Variants in EIF2AK3 observed in about 807,000 individuals in gnomAD.
The protein encoded by EIF2AK3 is eukaryotic translation initiation factor 2 alpha kinase 3.
In EIF2AK3, 50 loss-of-function variants were observed where a neutral mutation model predicts 113.5. That is an observed-to-expected ratio of 0.44 (90% CI 0.35 to 0.56). EIF2AK3 has a LOEUF of 0.56. Among genes scored for constraint, EIF2AK3 ranks in the 20% least tolerant of loss-of-function variants. The probability of loss-of-function intolerance (pLI) is 0.00; values close to 1 mark genes in which losing one functional copy is unlikely to be tolerated. For synonymous variants in EIF2AK3, 448 were observed against 495.4 expected (o/e 0.90, Z 1.27); for missense variants, 1,185 against 1,378.0 (o/e 0.86, Z 2.22).
At chr2:88,616,587 C>A (rs1056207164) in intron 1 of EIF2AK3, among the ~76,000 whole-genome samples, 2 of 152,004 alleles carry the variant, frequency 1.3e-5, no homozygotes, top group South Asian at 4.2e-4. Context: ...CCATCACACC[C>A]GGCTAATTTT....
chr2:88,579,434 A>G, intron 11 of EIF2AK3, 84 bp downstream of exon 11: 1 of 1,550,644 alleles, frequency 6.4e-7, no homozygotes, highest in East Asian at 2.3e-5. Flanking sequence ...TGGTGTTTAC[A>G]GAGTACAGTA....
In EIF2AK3 at chr2:88,570,920, C is replaced by T. The variant is rs764214778; in HGVS notation, c.2939G>A (p.Arg980Lys). 1.2e-6 allele frequency: 2 copies of T among 1,614,126 alleles called. No individual in the cohort carries two copies. The highest frequency in any genetic ancestry group is 1.7e-6 in the Non-Finnish European group (2 of 1,180,018). Residue 980 changes from arginine (R) to lysine (K), a missense_variant, in exon 14 of 17, where the codon AGA (arginine) becomes AAA (lysine). This residue lies in a region of EIF2AK3 where 877 missense variants were observed against 1,024.2 expected (regional missense o/e 0.86). Coordinates refer to ENST00000303236, the MANE Select transcript of EIF2AK3 (RefSeq NM_004836.7). ...TTTGGTCCCTACTTGTCCTGTGTGTCTGGCATAAGCTGGCATTGGGGTCAG... is the reference window on the plus strand; with the variant it reads ...TTTGGTCCCTACTTGTCCTGTGTGTTTGGCATAAGCTGGCATTGGGGTCAG... Reference protein sequence around the residue: ...TVLTPMPAYARHTGQVGTKLY... With the variant: ...TVLTPMPAYAKHTGQVGTKLY...
chr2:88,559,611 A>G (rs991422683), intron 15 of EIF2AK3, among the ~76,000 whole-genome samples: 13 of 151,860 alleles, frequency 8.6e-5, no homozygotes, highest in Non-Finnish European at 1.8e-4. Context: ...GGGGAGAGAG[A>G]GAGAGAGAAA....
chr2:88,566,883 G>T (rs984181804), intron 14 of EIF2AK3, among the ~76,000 whole-genome samples: 1 of 152,142 alleles, frequency 6.6e-6, no homozygotes, highest in Admixed American at 6.5e-5. Context: ...AGGAGGCAGA[G>T]GCTACAGTGA....
chr2:88,574,198 A>G (rs911849758), intron 13 of EIF2AK3, among the ~76,000 whole-genome samples: 4 of 152,096 alleles, frequency 2.6e-5, no homozygotes, highest in African/African-American at 4.8e-5. Flanking sequence ...ATTTGCCCCA[A>G]TTCAAGCTGG....
intron 2 of EIF2AK3, among the ~76,000 whole-genome samples, chr2:88,606,630 T>G (rs1675286080): frequency 6.6e-6 from 1 of 152,288 alleles, no homozygotes; most frequent in African/African-American, 2.4e-5. Context: ...TCAGTAAAAG[T>G]AAGAGAAGCT....
chr2:88,568,567 C>T (rs979826842), intron 14 of EIF2AK3, among the ~76,000 whole-genome samples: 1 of 152,168 alleles, frequency 6.6e-6, no homozygotes, highest in Non-Finnish European at 1.5e-5. Flanking sequence ...AACATTTATG[C>T]TCCATACCAA....
At chr2:88,586,412 T>G (rs1280240111) in intron 8 of EIF2AK3, among the ~76,000 whole-genome samples, 1 of 152,092 alleles carries the variant, frequency 6.6e-6, no homozygotes, top group East Asian at 1.9e-4. Flanking sequence ...TCTTTTTGTT[T>G]AGTTATCAAT....
intron 1 of EIF2AK3, among the ~76,000 whole-genome samples, chr2:88,616,360 G>A (rs367608922): frequency 2.0e-5 from 3 of 152,016 alleles, no homozygotes; most frequent in Non-Finnish European, 2.9e-5. Context: ...TGCATCTACC[G>A]TTCCTTCTGC....
chr2:88,569,936 CA>C (rs1457821768), intron 14 of EIF2AK3, among the ~76,000 whole-genome samples: 1 of 151,846 alleles, frequency 6.6e-6, no homozygotes, highest in Non-Finnish European at 1.5e-5. Context: ...AGATTGAACA[CA>C]AAAGCAGATA....
chr2:88,623,117 T>C (rs1386851246), intron 1 of EIF2AK3, among the ~76,000 whole-genome samples: 1 of 152,228 alleles, frequency 6.6e-6, no homozygotes, highest in Non-Finnish European at 1.5e-5. Flanking sequence ...TCTGAGATTG[T>C]CAGAATGTCT....
At chr2:88,570,615 T>C (rs955258581) in intron 14 of EIF2AK3, among the ~76,000 whole-genome samples, 2 of 152,220 alleles carry the variant, frequency 1.3e-5, no homozygotes, top group African/African-American at 4.8e-5. Context: ...TCTTTCCAAA[T>C]TCCTGGTTGC....
At chr2:88,611,203 C>T (rs377270866) in intron 2 of EIF2AK3, among the ~76,000 whole-genome samples, 137 of 152,294 alleles carry the variant, frequency 9.0e-4, no homozygotes, top group African/African-American at 3.2e-3. Context: ...CAGGCAATCT[C>T]GGGCTCAGTT....
intron 15 of EIF2AK3, among the ~76,000 whole-genome samples, chr2:88,561,928 G>A (rs573525458): frequency 3.1e-4 from 47 of 152,176 alleles, no homozygotes; most frequent in Non-Finnish European, 5.4e-4. Context: ...TGAGAGGAAA[G>A]AAACCTAATT....
intron 1 of EIF2AK3, among the ~76,000 whole-genome samples, chr2:88,621,895 A>ATTT (rs1315714267): frequency 1.1e-5 from 1 of 90,962 alleles, no homozygotes; most frequent in Non-Finnish European, 2.1e-5. Context: ...TTTATTCTAT[A>ATTT]ATTTTTTTTT....
At chr2:88,575,913 G>A (rs1396667361) in intron 12 of EIF2AK3, among the ~76,000 whole-genome samples, 1 of 152,180 alleles carries the variant, frequency 6.6e-6, no homozygotes, top group Non-Finnish European at 1.5e-5. Context: ...GTAGGTAGGA[G>A]TTTCACTCCA....
chr2:88,619,463 T>A (rs1007402224), intron 1 of EIF2AK3, among the ~76,000 whole-genome samples: 22 of 152,202 alleles, frequency 1.4e-4, no homozygotes, highest in African/African-American at 5.3e-4. Flanking sequence ...TAGTTCTGCA[T>A]CTTCAGCAGG....
intron 10 of EIF2AK3, chr2:88,579,881 T>A: frequency 2.4e-6 from 1 of 420,666 alleles, no homozygotes; most frequent in South Asian, 2.3e-5. Flanking sequence ...TAATTGGGAA[T>A]CACTTGTTAA....
At position 88,557,955 on chromosome 2, in the gene EIF2AK3, T is replaced by A; in HGVS notation, c.3151-19A>T. ...TCACGTACTGAAAATATAAAAATTG[T>A]TTTGTGATAAAACGGCCAGGTTTGA... is the stretch of plus-strand genomic sequence containing the variant. On this transcript the variant is annotated intron_variant, in intron 16 of 16. Transcript: ENST00000303236. 3.7e-6 allele frequency: 6 copies of A among 1,613,234 alleles called. No homozygotes were observed. The highest frequency in any genetic ancestry group is 5.1e-6 in the Non-Finnish European group (6 of 1,179,308).
Sources: gnomAD v4.1 joint callset for allele counts (sites outside exome capture counted in the v4.1 genomes callset) on GRCh38, gnomAD v4.1.1 for gene constraint, gnomAD v4.1.1 regional missense constraint, MANE v1.5 for transcripts, NCBI Gene and HGNC (gene_info 2026-07-23, HGNC 2026-07-21) for gene names.